The following P2RX6 variants were observed in gnomAD, a reference collection of about 807,000 sequenced individuals.
P2RX6 encodes the protein P2X purinoceptor 6.
In P2RX6, 62 loss-of-function variants were observed where a neutral mutation model predicts 54.2. That is an observed-to-expected ratio of 1.14 (90% CI 0.93 to 1.41). The LOEUF is 1.41. Among genes scored for constraint, P2RX6 ranks in the 40% most tolerant of loss-of-function variants. P2RX6 has a pLI of 0.00. For synonymous variants in P2RX6, 211 were observed against 231.9 expected (o/e 0.91, Z 0.82); for missense variants, 541 against 566.3 (o/e 0.96, Z 0.45).
chr22:21,013,538 G>C (rs532205196), upstream of P2RX6, among the ~76,000 whole-genome samples: 5 of 152,332 alleles, frequency 3.3e-5, no homozygotes, highest in South Asian at 1.0e-3. Context: ...AGTGAGCTAT[G>C]ATCCTGCCAC....
At chr22:21,025,033 A>C (rs945507751) in intron 8 of P2RX6, among the ~76,000 whole-genome samples, 2 of 150,936 alleles carry the variant, frequency 1.3e-5, no homozygotes, top group African/African-American at 4.9e-5. Context: ...GGTGCACACC[A>C]CCACACCCAG....
upstream of P2RX6, among the ~76,000 whole-genome samples, chr22:21,014,818 A>G (rs1224915687): frequency 6.6e-6 from 1 of 152,092 alleles, no homozygotes; most frequent in Non-Finnish European, 1.5e-5. Context: ...TTCTTCCGGA[A>G]GCTTTCCTCA....
At chr22:21,015,626 G>C (rs1483888025) in intron 1 of P2RX6, among the ~76,000 whole-genome samples, 1 of 152,078 alleles carries the variant, frequency 6.6e-6, no homozygotes, top group African/African-American at 2.4e-5. Flanking sequence ...GGAGCACTAG[G>C]CCCCCAGAGA....
chr22:21,019,278 G>A (rs949096951), intron 3 of P2RX6, among the ~76,000 whole-genome samples: 5 of 152,136 alleles, frequency 3.3e-5, no homozygotes, highest in Admixed American at 6.5e-5. Context: ...TCCCATGTCC[G>A]TAGTTGGAAA....
In P2RX6 at chr22:21,019,313, T is replaced by G. The variant is rs181901054; in HGVS notation, c.387+1253T>G. Among the ~76,000 whole-genome samples the G allele has an allele frequency of 3.2e-3, 492 of 152,208 alleles. 1 individual carries two copies. Among genetic ancestry groups the G allele is most frequent in the African/African-American group, 0.011 (456 of 41,546 alleles). The stretch of plus-strand genomic sequence containing the variant: ...ATATGCACAAAGGATTGCTTACTCT[T>G]TTTGTTTGTTTGTTTTTTTGAGATG... On this transcript the variant is annotated intron_variant, in intron 3 of 11. Coordinates refer to ENST00000413302, the MANE Select transcript of P2RX6 (RefSeq NM_005446.5).
At chr22:21,014,707 C>G (rs1926038720), upstream of P2RX6, among the ~76,000 whole-genome samples, 1 of 152,170 alleles carries the variant, frequency 6.6e-6, no homozygotes, top group African/African-American at 2.4e-5. Context: ...CTTGCATGCT[C>G]TGGTCTTTGC....
In P2RX6 at chr22:21,025,872, C is replaced by T. The variant is rs756857753; in HGVS notation, c.958C>T (p.Arg320Cys). The T allele has an allele frequency of 2.3e-5, 37 of 1,574,896 alleles. 1 individual carries two copies. The highest frequency in any genetic ancestry group is 5.8e-5 in the South Asian group (5 of 85,684). Residue 320 changes from arginine (R) to cysteine (C), a missense_variant, in exon 9 of 12, where the codon CGC becomes TGC. Around this residue, in one of 2 missense-constraint regions of P2RX6, gnomAD observed 526 missense variants for 531.5 expected, o/e 0.99. Coordinates refer to ENST00000413302, the MANE Select transcript of P2RX6 (RefSeq NM_005446.5). ...ARTLLKLYGI[R>C]FDILVTGQAG... ...CACCCTGCTCAAGCTCTATGGAATC[C>T]GCTTCGACATCCTCGTCACCGGGCA...
chr22:21,020,946 G>T (rs1020366511), intron 3 of P2RX6, among the ~76,000 whole-genome samples: 5 of 152,014 alleles, frequency 3.3e-5, no homozygotes, highest in African/African-American at 4.8e-5. Context: ...GAAGCAGGAT[G>T]TCGACACAGA....
chr22:21,022,199 C>T (rs1008885310), intron 3 of P2RX6, among the ~76,000 whole-genome samples: 1 of 151,932 alleles, frequency 6.6e-6, no homozygotes, highest in Non-Finnish European at 1.5e-5. Context: ...AAGACTCCAT[C>T]TCTACAAAAA....
In P2RX6 at chr22:21,025,896, C is replaced by A. The variant is rs779113067; in HGVS notation, c.982C>A (p.Gln328Lys). The A allele has an allele frequency of 6.3e-7, 1 of 1,576,558 alleles. No individual in the cohort carries two copies. The highest frequency in any genetic ancestry group is 8.6e-7 in the Non-Finnish European group (1 of 1,161,544). Reference protein sequence around the residue: ...GIRFDILVTGQAGKFGLIPTA... With the variant: ...GIRFDILVTGKAGKFGLIPTA... ...CCGCTTCGACATCCTCGTCACCGGG[C>A]AGGTAGGCACAGGTAGGGGTCAGGC... is the stretch of plus-strand genomic sequence containing the variant. The change falls in exon 9 of 12, where the codon CAG (glutamine) becomes AAG (lysine). Residue 328 changes from glutamine to lysine, a missense_variant and splice_region_variant. Transcript: ENST00000413302.
chr22:21,012,465 G>C, upstream of P2RX6: 1 of 466,556 alleles, frequency 2.1e-6, no homozygotes, highest in Admixed American at 2.8e-5. Context: ...CAGGGGTGGA[G>C]GCACATCCCT....
rs947969102 is a variant in P2RX6 at position 21,026,131 on chromosome 22, G to C, written c.1050+55G>C. 1 of 1,565,602 alleles carries C rather than the reference G, an allele frequency of 6.4e-7. No homozygotes were observed. ...GCTGCAGTGAGTGCTGCTGACCAGG[G>C]TGTGTCCAATGCATGCTGGAGCCTC... On this transcript the variant is annotated intron_variant, in intron 10 of 11. Transcript: ENST00000413302. This position sits in a 1 kb window ranked among gnomAD's most constrained non-coding sequence, Gnocchi z 4.0.
rs1444055361 is a variant in P2RX6, at chr22:21,027,986, A to G, written c.*1369A>G. On this transcript the variant is annotated 3_prime_UTR_variant, in exon 12 of 12. Coordinates refer to ENST00000413302, the MANE Select transcript of P2RX6 (RefSeq NM_005446.5). Reference sequence around the variant, plus strand: ...GCTGATGTCATGGCTGGACAAAGTCACGGAGTAAAGCCAGCAAAGCCACCC... The same window carrying G: ...GCTGATGTCATGGCTGGACAAAGTCGCGGAGTAAAGCCAGCAAAGCCACCC... The G allele has an allele frequency of 6.6e-6, 1 of 152,248 alleles. No homozygotes were observed. Among genetic ancestry groups the G allele is most frequent in the African/African-American group, 2.4e-5 (1 of 41,446 alleles). The allele number at this position is 152,248 out of a possible 1,614,324, so 9.4% of individuals were successfully genotyped here. A position where few individuals can be genotyped will look rare whatever the true frequency, so the allele number is the denominator to read the frequency against.
At chr22:21,025,072 G>T (rs796072233) in intron 8 of P2RX6, among the ~76,000 whole-genome samples, 13 of 140,166 alleles carry the variant, frequency 9.3e-5, no homozygotes, top group African/African-American at 3.0e-4. Flanking sequence ...CTAGAGATGG[G>T]GTTTCACCAT....
chr22:21,009,991 A>G (rs2239960), intron 1 of P2RX6: 3,075 of 152,414 alleles, frequency 0.02, 199 homozygotes, highest in East Asian at 0.19. Context: ...GCTCAAGGGC[A>G]GGAAGATTCT....
chr22:21,026,774 G>A lies in P2RX6; in HGVS notation c.*157G>A. 7.2e-7 allele frequency: 1 copy of A among 1,383,512 alleles called. No homozygotes were observed. Among genetic ancestry groups the A allele is most frequent in the African/African-American group, 1.5e-5 (1 of 68,814 alleles). 85.7% of individuals were successfully genotyped at this position (1,383,512 alleles called of 1,614,324 possible). On this transcript the variant is annotated 3_prime_UTR_variant, in exon 12 of 12. Coordinates refer to ENST00000413302, the MANE Select transcript of P2RX6 (RefSeq NM_005446.5). This position sits in a 1 kb window ranked among gnomAD's most constrained non-coding sequence, Gnocchi z 4.0. The stretch of plus-strand genomic sequence containing the variant: ...CTGACTCCCACCTTGGTAGGGTGCT[G>A]CCTCAGGGAGCCATAGAAGTCGGCT...
At chr22:21,012,197 A>G (rs1925773063), upstream of P2RX6, among the ~76,000 whole-genome samples, 1 of 147,992 alleles carries the variant, frequency 6.8e-6, no homozygotes, top group South Asian at 2.1e-4. Flanking sequence ...CCCCGCCCCC[A>G]ACTCTCTGTG....
chr22:21,023,926 C>T (rs960071112), intron 8 of P2RX6, among the ~76,000 whole-genome samples: 1 of 150,994 alleles, frequency 6.6e-6, no homozygotes, highest in African/African-American at 2.4e-5. Flanking sequence ...TGGGGTGTTT[C>T]ATTTTTACTT....
At chr22:21,018,418 G>C (rs930521750) in intron 3 of P2RX6, 2 of 344,632 alleles carry the variant, frequency 5.8e-6, no homozygotes, top group Admixed American at 8.1e-5. Context: ...GTACTCTCCA[G>C]GTTGGTAGTG....
Sources: gnomAD v4.1 joint callset for allele counts (sites outside exome capture counted in the v4.1 genomes callset) on GRCh38, gnomAD v4.1.1 for gene constraint, gnomAD v4.1.1 regional missense constraint, Gnocchi (gnomAD v3.1) non-coding constraint, MANE v1.5 for transcripts, NCBI Gene and HGNC (gene_info 2026-07-23, HGNC 2026-07-21) for gene names.